UGT1A4: variants seen among roughly 807,000 people sequenced by gnomAD.
UGT1A4 encodes UDP-glucuronosyltransferase 1A4.
A neutral mutation model predicts 41.1 loss-of-function variants in UGT1A4; 32 were observed. The ratio of observed to expected loss-of-function variants is 0.78; its 90% CI spans 0.59 to 1.05. UGT1A4 has a LOEUF of 1.05. Ranked by LOEUF, UGT1A4 falls within the 50% of genes least tolerant of loss-of-function variation. UGT1A4 has a pLI of 0.00. For missense variants in UGT1A4, 748 were observed against 677.4 expected (o/e 1.10, Z -1.16); for synonymous variants, 283 against 265.1 (o/e 1.07, Z -0.66).
At chr2:233,721,187 A>G (rs1363550880) in intron 1 of UGT1A4, among the ~76,000 whole-genome samples, 3 of 152,172 alleles carry the variant, frequency 2.0e-5, no homozygotes, top group Admixed American at 1.3e-4. Flanking sequence ...AAACCACAAG[A>G]TATTTGTTCT....
chr2:233,728,351 G>C (rs1396406554), intron 1 of UGT1A4, among the ~76,000 whole-genome samples: 1 of 152,180 alleles, frequency 6.6e-6, no homozygotes, highest in Non-Finnish European at 1.5e-5. Context: ...TGGTGAGCAG[G>C]AGCTCCCTGA....
chr2:233,724,161 C>A (rs1575550445), intron 1 of UGT1A4, among the ~76,000 whole-genome samples: 1 of 122,434 alleles, frequency 8.2e-6, no homozygotes, highest in African/African-American at 3.7e-5. Context: ...GGTGGGGGGG[C>A]TGACCCCCCC....
chr2:233,743,212 C>A, intron 1 of UGT1A4: 1 of 401,146 alleles, frequency 2.5e-6, no homozygotes, highest in Admixed American at 3.1e-5. Context: ...TGCGGAGTAA[C>A]TGCTCTTTGC....
In UGT1A4 at chr2:233,772,560, G is replaced by A. The variant is rs773424672; in HGVS notation, c.*1G>A. On this transcript the variant is annotated 3_prime_UTR_variant, in exon 5 of 5. Coordinates refer to ENST00000373409, the MANE Select transcript of UGT1A4 (RefSeq NM_007120.3). Reference sequence around the variant, plus strand: ...AGCCCACAAATCCAAGACCCATTGAGAAGTGGGTGGGAAATAAGGTAAAAT... The same window carrying A: ...AGCCCACAAATCCAAGACCCATTGAAAAGTGGGTGGGAAATAAGGTAAAAT... 4 of 1,613,722 alleles carry A rather than the reference G, an allele frequency of 2.5e-6. No homozygotes were observed. The South Asian group carries it at 3.3e-5, about 13-fold the overall frequency.
chr2:233,724,974 A>T (rs1313555521), intron 1 of UGT1A4, among the ~76,000 whole-genome samples: 1 of 135,272 alleles, frequency 7.4e-6, no homozygotes, highest in East Asian at 2.1e-4. Flanking sequence ...AGGTTGGCGG[A>T]TCACTCGCGG....
chr2:233,722,763 C>A (rs370007116), intron 1 of UGT1A4, among the ~76,000 whole-genome samples: 2 of 151,548 alleles, frequency 1.3e-5, no homozygotes, highest in African/African-American at 4.9e-5. Context: ...AAGGCTGTTA[C>A]CTAATTCTGA....
chr2:233,747,273 C>T, intron 1 of UGT1A4: 4 of 1,598,968 alleles, frequency 2.5e-6, no homozygotes, highest in Non-Finnish European at 3.4e-6. Context: ...TACTCCTTCT[C>T]AGTGCCCAGC....
chr2:233,738,549 T>C (rs577240283), intron 1 of UGT1A4, among the ~76,000 whole-genome samples: 15 of 152,296 alleles, frequency 9.8e-5, no homozygotes, highest in Admixed American at 3.9e-4. Flanking sequence ...GAGTCTCAGA[T>C]AGAGATGAGG....
At chr2:233,743,412 T>C (rs1692284250) in intron 1 of UGT1A4, 48 of 1,321,888 alleles carry the variant, frequency 3.6e-5, no homozygotes, top group Non-Finnish European at 4.8e-5. Flanking sequence ...GGCCCCCACT[T>C]CCCAGGGAGC....
chr2:233,747,868 C>A, intron 1 of UGT1A4: 1 of 1,613,534 alleles, frequency 6.2e-7, no homozygotes, highest in South Asian at 1.1e-5. Flanking sequence ...TACCCTCTGG[C>A]CCTGTCCTAC....
chr2:233,726,801 T>G (rs2077562254), intron 1 of UGT1A4, among the ~76,000 whole-genome samples: 1 of 152,218 alleles, frequency 6.6e-6, no homozygotes, highest in Non-Finnish European at 1.5e-5. Context: ...ATTCAAGGCT[T>G]GGAGGTTTTC....
chr2:233,761,067 T>A, intron 1 of UGT1A4: 1 of 1,614,228 alleles, frequency 6.2e-7, no homozygotes, highest in Non-Finnish European at 8.5e-7. Context: ...GAAGTGACTT[T>A]GTGAAGGATT....
intron 1 of UGT1A4, among the ~76,000 whole-genome samples, chr2:233,763,126 A>G (rs1210244781): frequency 2.0e-5 from 3 of 152,250 alleles, no homozygotes. Flanking sequence ...CCTTTCTGGC[A>G]TTTATTGATA....
At chr2:233,729,370 A>G (rs1463056784) in intron 1 of UGT1A4, 15 of 1,613,960 alleles carry the variant, frequency 9.3e-6, no homozygotes, top group Non-Finnish European at 1.2e-5. Flanking sequence ...AACCTATGCC[A>G]TTTCGTGGAC....
At chr2:233,764,892 GC>G (rs759147783) in intron 1 of UGT1A4, among the ~76,000 whole-genome samples, 77 of 150,328 alleles carry the variant, frequency 5.1e-4, no homozygotes, top group Non-Finnish European at 1.0e-3. Context: ...CAAAGACAAA[GC>G]CCTTAAGAGC....
At chr2:233,766,162 G>A (rs1699058269) in intron 1 of UGT1A4, among the ~76,000 whole-genome samples, 1 of 152,198 alleles carries the variant, frequency 6.6e-6, no homozygotes, top group Non-Finnish European at 1.5e-5. Context: ...TGGAGAATGA[G>A]TGCAAGGATT....
intron 1 of UGT1A4, among the ~76,000 whole-genome samples, chr2:233,730,180 A>C (rs1264603007): frequency 3.9e-5 from 6 of 152,190 alleles, no homozygotes; most frequent in South Asian, 2.1e-4. Flanking sequence ...TCAGGTTTTA[A>C]ATGGTCACTG....
intron 1 of UGT1A4, chr2:233,747,460 C>G: frequency 6.2e-7 from 1 of 1,608,790 alleles, no homozygotes; most frequent in South Asian, 1.1e-5. Context: ...TATGCCATTT[C>G]ATGGACCCAG....
intron 1 of UGT1A4, among the ~76,000 whole-genome samples, chr2:233,721,082 T>C (rs2125680652): frequency 6.6e-6 from 1 of 152,322 alleles, no homozygotes; most frequent in South Asian, 2.1e-4. Flanking sequence ...TGAACTTCCA[T>C]GAGTTTAGGT....
Sources: allele counts gnomAD v4.1 joint callset (sites outside exome capture counted in the v4.1 genomes callset), GRCh38; gene constraint gnomAD v4.1.1; transcripts MANE v1.5; gene names NCBI Gene and HGNC (gene_info 2026-07-23, HGNC 2026-07-21).